The following DCHS2 variants were observed in gnomAD, a reference collection of about 807,000 sequenced individuals.
DCHS2 encodes the protein dachsous cadherin-related 2, also known as protocadherin-23.
DCHS2 carries 142 observed loss-of-function variants against 182.4 expected under a neutral mutation model. The observed-to-expected ratio is 0.78, with a 90% CI of 0.68 to 0.89. The LOEUF is 0.89. Ranked by LOEUF, DCHS2 falls within the 40% of genes least tolerant of loss-of-function variation. The pLI, the probability that DCHS2 is intolerant of heterozygous loss-of-function variation, is 0.00. For missense variants in DCHS2, 4,319 were observed against 4,198.6 expected (o/e 1.03, Z -0.79); for synonymous variants, 1,740 against 1,663.3 (o/e 1.05, Z -1.12).
At chr4:154,248,308 TG>T in intron 16 of DCHS2, among the ~76,000 whole-genome samples, 1 of 152,188 alleles carries the variant, frequency 6.6e-6, no homozygotes, top group Non-Finnish European at 1.5e-5. Flanking sequence ...AGTTGGAGTG[TG>T]AGAAAGTAAG....
chr4:154,276,653 CAT>C lies in DCHS2; in HGVS notation c.6464-6642_6464-6641del, dbSNP rs542411660. Among the ~76,000 whole-genome samples the C allele has an allele frequency of 2.0e-4, 31 of 152,276 alleles. No homozygotes were observed. The South Asian group carries it at 4.6e-3, about 22-fold the overall frequency. On this transcript the variant is annotated intron_variant, in intron 13 of 19. Coordinates refer to ENST00000357232, the MANE Select transcript of DCHS2 (RefSeq NM_001358235.2). Reference sequence around the variant, plus strand: ...TAAGTGTCCAACCATTGAAACTAAACATATTGCAACTACTTAAGAAAAGCCTG... The same window carrying C: ...TAAGTGTCCAACCATTGAAACTAAACATTGCAACTACTTAAGAAAAGCCTG...
intron 14 of DCHS2, chr4:154,261,844 T>C (rs1183389424): frequency 6.6e-6 from 1 of 152,234 alleles, no homozygotes; most frequent in Non-Finnish European, 1.5e-5. Flanking sequence ...GGCAGAAAAT[T>C]TAGAGTAGCT....
At chr4:154,289,702 A>G (rs2111256804) in intron 13 of DCHS2, among the ~76,000 whole-genome samples, 1 of 152,266 alleles carries the variant, frequency 6.6e-6, no homozygotes, top group East Asian at 1.9e-4. Context: ...AAATACTAGC[A>G]AACCAATTCA....
chr4:154,269,796 C>T (rs757391376), intron 14 of DCHS2, 104 bp downstream of exon 14: 4 of 1,385,698 alleles, frequency 2.9e-6, no homozygotes, highest in East Asian at 2.5e-5. Flanking sequence ...TTCTTGCTTA[C>T]CTTTTAAATT....
chr4:154,331,046 T>C (rs937190169), intron 5 of DCHS2, among the ~76,000 whole-genome samples: 1 of 152,074 alleles, frequency 6.6e-6, no homozygotes, highest in Non-Finnish European at 1.5e-5. Context: ...CCTGGTCACT[T>C]GTAGGACTGT....
intron 2 of DCHS2, chr4:154,373,994 T>C (rs1730768290): frequency 7.7e-7 from 1 of 1,296,786 alleles, no homozygotes; most frequent in African/African-American, 1.8e-5. Flanking sequence ...AGGTGGATAT[T>C]TTAATAGCAA....
intron 14 of DCHS2, 135 bp from the exon 15 acceptor site, chr4:154,259,891 C>T (rs1441519646): frequency 2.5e-5 from 26 of 1,035,568 alleles, no homozygotes; most frequent in Admixed American, 6.1e-5. Flanking sequence ...GGTGAAATCT[C>T]GGCTCACTGC....
chr4:154,406,972 A>G (rs531192138), intron 1 of DCHS2, among the ~76,000 whole-genome samples: 17 of 152,356 alleles, frequency 1.1e-4, no homozygotes, highest in African/African-American at 3.8e-4. Flanking sequence ...CATTTTCCTC[A>G]TGAATGCAGT....
intron 14 of DCHS2, among the ~76,000 whole-genome samples, chr4:154,263,775 G>C (rs1733101927): frequency 6.6e-6 from 1 of 151,496 alleles, no homozygotes. Flanking sequence ...AAATTGTGTA[G>C]ATATTAAAGA....
intron 1 of DCHS2, among the ~76,000 whole-genome samples, chr4:154,390,361 C>A (rs1055417317): frequency 6.8e-6 from 1 of 147,734 alleles, no homozygotes; most frequent in Non-Finnish European, 1.5e-5. Flanking sequence ...TGAGAATATG[C>A]GGTGTTTGGT....
chr4:154,325,397 C>T (rs1465612939), intron 7 of DCHS2, among the ~76,000 whole-genome samples: 1 of 151,228 alleles, frequency 6.6e-6, no homozygotes, highest in South Asian at 2.1e-4. Flanking sequence ...TTCACAGGTA[C>T]ACTATGTTGT....
At chr4:154,438,952 C>T (rs1232680504) in intron 1 of DCHS2, among the ~76,000 whole-genome samples, 3 of 152,132 alleles carry the variant, frequency 2.0e-5, no homozygotes, top group Non-Finnish European at 4.4e-5. Flanking sequence ...TTCCATGCCC[C>T]TTAACTATTG....
At chr4:154,474,658 C>T (rs1450919123) in intron 1 of DCHS2, among the ~76,000 whole-genome samples, 1 of 151,362 alleles carries the variant, frequency 6.6e-6, no homozygotes, top group African/African-American at 2.4e-5. Flanking sequence ...GAACCTGACC[C>T]TCAGGCTCCC....
chr4:154,376,899 G>A (rs1436585119), intron 2 of DCHS2, among the ~76,000 whole-genome samples: 2 of 152,194 alleles, frequency 1.3e-5, no homozygotes, highest in East Asian at 1.9e-4. Flanking sequence ...AGAATATATC[G>A]ATCAAATCAA....
intron 1 of DCHS2, among the ~76,000 whole-genome samples, chr4:154,385,591 G>A (rs902623418): frequency 1.3e-5 from 2 of 152,074 alleles, no homozygotes; most frequent in African/African-American, 2.4e-5. Flanking sequence ...GGGTTCAAGC[G>A]ATTCTCCTGA....
chr4:154,418,753 T>C (rs1732975279), intron 1 of DCHS2, among the ~76,000 whole-genome samples: 2 of 152,216 alleles, frequency 1.3e-5, no homozygotes, highest in African/African-American at 4.8e-5. Context: ...TAAAATATCA[T>C]GTATTTCAAT....
At chr4:154,357,152 G>A (rs1021733304) in intron 3 of DCHS2, 4 of 1,014,284 alleles carry the variant, frequency 3.9e-6, no homozygotes, top group Middle Eastern at 2.1e-4. Flanking sequence ...TTCTCATATA[G>A]GTGCTTTCAT....
In DCHS2 at chr4:154,255,618, A is replaced by G. The variant is rs772612936; in HGVS notation, c.6842T>C (p.Ile2281Thr). The G allele has an allele frequency of 2.5e-6, 4 of 1,614,056 alleles. No homozygotes were observed. Among genetic ancestry groups the G allele is most frequent in the Non-Finnish European group, 3.4e-6 (4 of 1,179,976 alleles). The change falls in exon 16 of 20, where the codon ATT becomes ACT. Residue 2281 changes from isoleucine to threonine, a missense_variant. Coordinates refer to ENST00000357232, the MANE Select transcript of DCHS2 (RefSeq NM_001358235.2). ...SGLNGLIEYS[I>T]LSGNQEEAFQ... ...TGCTTCTTCTTGGTTGCCAGACAGA[A>G]TAGAATACTCAATCAGGCCGTTCAA...
At chr4:154,344,124 T>C (rs1447379074) in intron 3 of DCHS2, among the ~76,000 whole-genome samples, 2 of 152,194 alleles carry the variant, frequency 1.3e-5, no homozygotes, top group Non-Finnish European at 2.9e-5. Flanking sequence ...GTTAGCAGTC[T>C]TTCATGGCCA....
Sources: gnomAD v4.1 joint callset for allele counts (sites outside exome capture counted in the v4.1 genomes callset) on GRCh38, gnomAD v4.1.1 for gene constraint, MANE v1.5 for transcripts, NCBI Gene and HGNC (gene_info 2026-07-23, HGNC 2026-07-21) for gene names.